HOMER2: variants seen among roughly 807,000 people sequenced by gnomAD.
The protein encoded by HOMER2 is homer scaffold protein 2.
A neutral mutation model predicts 47.0 loss-of-function variants in HOMER2; 27 were observed. That is an observed-to-expected ratio of 0.57 (90% CI 0.42 to 0.79). HOMER2 has a LOEUF of 0.79. HOMER2 is among the 30% of genes least tolerant of loss of function. HOMER2 has a pLI of 0.00. For missense variants in HOMER2, 443 were observed against 435.0 expected, an observed-to-expected ratio of 1.02 and a Z score of -0.16; for synonymous variants, 161 against 163.8, an observed-to-expected ratio of 0.98 and a Z score of 0.13.
At chr15:82,835,854 C>T (rs2051120556), downstream of HOMER2, 1 of 152,292 alleles carries the variant, frequency 6.6e-6, no homozygotes, top group Admixed American at 6.5e-5. Context: ...CAGCATCAAA[C>T]TTCCTAGGGA....
chr15:82,840,897 A>T (rs946702093), exon 2 of HOMER2: 3 of 152,162 alleles, frequency 2.0e-5, no homozygotes, highest in African/African-American at 7.2e-5. Context: ...CAAAGAGCAA[A>T]AAATTCTAAA....
At chr15:82,872,566 G>C (rs1022695751) in intron 3 of HOMER2, among the ~76,000 whole-genome samples, 2 of 152,192 alleles carry the variant, frequency 1.3e-5, no homozygotes, top group Non-Finnish European at 2.9e-5. Context: ...AAGTCCAGAA[G>C]CTCTGGCATG....
intron 3 of HOMER2, among the ~76,000 whole-genome samples, chr15:82,872,356 T>C (rs2052204528): frequency 6.6e-6 from 1 of 151,916 alleles, no homozygotes; most frequent in Admixed American, 6.6e-5. Context: ...CCCCAGAATC[T>C]CTTCTTCCTC....
At chr15:82,854,276 G>A (rs2051492722) in intron 6 of HOMER2, among the ~76,000 whole-genome samples, 1 of 152,034 alleles carries the variant, frequency 6.6e-6, no homozygotes, top group Admixed American at 6.6e-5. Context: ...ATGGTGGCAG[G>A]CGCCTCTAAT....
At chr15:82,915,316 G>A (rs963411894) in intron 1 of HOMER2, among the ~76,000 whole-genome samples, 6 of 151,876 alleles carry the variant, frequency 4.0e-5, no homozygotes, top group Non-Finnish European at 7.4e-5. Flanking sequence ...TTTTTTAGAA[G>A]ACTGGAAAAA....
At chr15:82,940,675 G>T (rs975949952) in intron 1 of HOMER2, among the ~76,000 whole-genome samples, 42 of 152,158 alleles carry the variant, frequency 2.8e-4, no homozygotes, top group African/African-American at 1.0e-3. Context: ...CTGAGAGGTG[G>T]AGCTTGCAGT....
chr15:82,867,529 A>G (rs1212015038), intron 3 of HOMER2, among the ~76,000 whole-genome samples: 3 of 152,208 alleles, frequency 2.0e-5, no homozygotes, highest in Non-Finnish European at 2.9e-5. Flanking sequence ...AAATTCAGGA[A>G]TAAAAAATGC....
chr15:82,961,088 C>T (rs1196757197), intron 1 of HOMER2, among the ~76,000 whole-genome samples: 2 of 152,238 alleles, frequency 1.3e-5, no homozygotes, highest in Non-Finnish European at 1.5e-5. Flanking sequence ...GGTGGCATTT[C>T]CACCATCTCT....
chr15:82,879,012 C>CTTTCCTGGCAGATTAA (rs1382593631), intron 2 of HOMER2, among the ~76,000 whole-genome samples: 3 of 152,208 alleles, frequency 2.0e-5, no homozygotes, highest in Non-Finnish European at 2.9e-5. Context: ...TATTAATCTG[C>CTTTCCTGGCAGATTAA]TTTCCAGGTC....
intron 5 of HOMER2, 145 bp from the exon 6 acceptor site, chr15:82,854,945 G>T (rs2051524755): frequency 1.1e-6 from 1 of 871,852 alleles, no homozygotes; most frequent in South Asian, 1.8e-5. Context: ...AGGTGGGTCT[G>T]GCTACCCTGA....
chr15:82,836,369 G>A (rs1717746838), downstream of HOMER2, among the ~76,000 whole-genome samples: 1 of 152,204 alleles, frequency 6.6e-6, no homozygotes, highest in African/African-American at 2.4e-5. Context: ...CAGCCTGGCA[G>A]ACAAAACCCT....
At chr15:82,892,459 C>A (rs905399075) in intron 2 of HOMER2, among the ~76,000 whole-genome samples, 1 of 152,052 alleles carries the variant, frequency 6.6e-6, no homozygotes, top group African/African-American at 2.4e-5. Flanking sequence ...CATTATAGGC[C>A]GTCGGCAGAA....
intron 1 of HOMER2, among the ~76,000 whole-genome samples, chr15:82,964,387 G>A (rs1185964430): frequency 6.6e-6 from 1 of 152,238 alleles, no homozygotes; most frequent in African/African-American, 2.4e-5. Flanking sequence ...TAGAGAGTCA[G>A]ATGTTTTAAT....
At chr15:82,940,442 T>C (rs918262146) in intron 1 of HOMER2, among the ~76,000 whole-genome samples, 3 of 152,056 alleles carry the variant, frequency 2.0e-5, no homozygotes, top group Admixed American at 6.5e-5. Context: ...CTACAAAACA[T>C]AAAAAATTAG....
chr15:82,900,945 G>T (rs2053094626), intron 1 of HOMER2, among the ~76,000 whole-genome samples: 1 of 151,982 alleles, frequency 6.6e-6, no homozygotes, highest in Non-Finnish European at 1.5e-5. Context: ...TCCCTTTTTG[G>T]GTCACATTTA....
intron 1 of HOMER2, among the ~76,000 whole-genome samples, chr15:82,897,284 T>C (rs1018245498): frequency 6.6e-6 from 1 of 152,094 alleles, no homozygotes; most frequent in Non-Finnish European, 1.5e-5. Flanking sequence ...CAGGCTGGTC[T>C]TGAACTCCTG....
At chr15:82,864,761 C>T (rs1399343816) in intron 3 of HOMER2, among the ~76,000 whole-genome samples, 1 of 152,176 alleles carries the variant, frequency 6.6e-6, no homozygotes, top group Non-Finnish European at 1.5e-5. Context: ...TTATACTATG[C>T]CCTCCACTTT....
chr15:82,847,259 G>T (rs146782692), downstream of HOMER2: 110 of 152,344 alleles, frequency 7.2e-4, no homozygotes, highest in African/African-American at 2.4e-3. Context: ...TATTTTAAAA[G>T]AAAGTAAATG....
chr15:82,932,645 T>A (rs1223901422), intron 1 of HOMER2, among the ~76,000 whole-genome samples: 1 of 151,700 alleles, frequency 6.6e-6, no homozygotes, highest in African/African-American at 2.4e-5. Context: ...CTCCCTAAGA[T>A]GAGAATTAAT....
Sources: gnomAD v4.1 joint callset for allele counts (sites outside exome capture counted in the v4.1 genomes callset) on GRCh38, gnomAD v4.1.1 for gene constraint, MANE v1.5 for transcripts, NCBI Gene and HGNC (gene_info 2026-07-23, HGNC 2026-07-21) for gene names.